Variants in OPCML observed in about 807,000 individuals in gnomAD.
The protein encoded by OPCML is opioid binding protein/cell adhesion molecule like.
Under a neutral mutation model 37.8 loss-of-function variants are expected in OPCML, and 13 were observed. The ratio of observed to expected loss-of-function variants is 0.34; its 90% confidence interval spans 0.22 to 0.55. The LOEUF (loss-of-function observed/expected upper bound fraction) is 0.55. OPCML is among the 20% of genes least tolerant of loss of function. The pLI is 0.91. For missense variants in OPCML, 341 were observed against 435.6 expected (o/e 0.78, Z 1.93); for synonymous variants, 176 against 168.8 (o/e 1.04, Z -0.33).
intron 1 of OPCML, chr11:133,419,084 C>G (rs1300129004): frequency 4.0e-6 from 1 of 251,874 alleles, no homozygotes; most frequent in Non-Finnish European, 6.3e-6. Context: ...CTAACCTTCA[C>G]CTTTGGCGAA....
Position 133,204,868 on chromosome 11 carries a change from GTATATATATATATATATATATATATA to G in OPCML, c.62-261884_62-261859del, listed in dbSNP as rs57658806. On this transcript the variant is annotated intron_variant, in intron 1 of 7. Coordinates refer to ENST00000524381, the MANE Select transcript of OPCML (RefSeq NM_001012393.5). The stretch of plus-strand genomic sequence containing the variant: ...TGATCTATTATATATATATATATGT[GTATATATATATATATATATATATATA>G]TATATATATATATATACATACACAT... Among the ~76,000 whole-genome samples, 20 of 117,338 alleles carry G rather than the reference GTATATATATATATATATATATATATA, an allele frequency of 1.7e-4. No homozygotes were observed. In the East Asian group the frequency reaches 4.9e-3, roughly 29 times the overall value. The allele number at this position is 117,338 out of a possible 152,430, so 77.0% of individuals were successfully genotyped here.
At chr11:132,623,988 C>T (rs1939586369) in intron 3 of OPCML, among the ~76,000 whole-genome samples, 1 of 152,130 alleles carries the variant, frequency 6.6e-6, no homozygotes, top group African/African-American at 2.4e-5. Context: ...GTTGGTGCTC[C>T]CACTTCAGAT....
intron 1 of OPCML, chr11:133,365,173 A>G (rs1379217826): frequency 6.6e-6 from 1 of 152,228 alleles, no homozygotes; most frequent in Non-Finnish European, 1.5e-5. Flanking sequence ...AGGCCTGCAC[A>G]GTCTCTTGGA....
intron 1 of OPCML, among the ~76,000 whole-genome samples, chr11:133,109,612 A>C (rs978323009): frequency 2.0e-5 from 3 of 152,286 alleles, no homozygotes; most frequent in Middle Eastern, 6.8e-3. Flanking sequence ...TCTTGTAAGA[A>C]AAGTTCTCCA....
At chr11:133,144,062 C>T (rs1164068709) in intron 1 of OPCML, among the ~76,000 whole-genome samples, 5 of 152,212 alleles carry the variant, frequency 3.3e-5, no homozygotes, top group Admixed American at 6.5e-5. Flanking sequence ...CCTTGTGTCT[C>T]ATCTTCTTCT....
intron 1 of OPCML, among the ~76,000 whole-genome samples, chr11:133,340,315 G>T (rs1263142841): frequency 6.6e-6 from 1 of 152,190 alleles, no homozygotes; most frequent in Non-Finnish European, 1.5e-5. Flanking sequence ...GTTGTGATTA[G>T]AAATGCACTT....
chr11:133,039,536 G>T (rs1368849789), intron 1 of OPCML, among the ~76,000 whole-genome samples: 1 of 152,088 alleles, frequency 6.6e-6, no homozygotes, highest in African/African-American at 2.4e-5. Flanking sequence ...TTGGATGGTG[G>T]TCATAGTGCA....
intron 1 of OPCML, among the ~76,000 whole-genome samples, chr11:133,104,866 C>T (rs1264042615): frequency 6.6e-6 from 1 of 150,906 alleles, no homozygotes; most frequent in South Asian, 2.1e-4. Flanking sequence ...AATATTAAGG[C>T]CCAATTCAAG....
intron 2 of OPCML, among the ~76,000 whole-genome samples, chr11:132,927,572 T>C (rs1319470971): frequency 6.6e-6 from 1 of 152,104 alleles, no homozygotes; most frequent in African/African-American, 2.4e-5. Flanking sequence ...TCAAGAAATA[T>C]GAAAGAGAGT....
At chr11:133,051,527 G>T (rs1948131448) in intron 1 of OPCML, among the ~76,000 whole-genome samples, 1 of 152,066 alleles carries the variant, frequency 6.6e-6, no homozygotes. Context: ...TTGTTTGTTT[G>T]TTTGTTTGTT....
intron 1 of OPCML, among the ~76,000 whole-genome samples, chr11:133,527,128 C>T (rs986546912): frequency 1.3e-5 from 2 of 152,200 alleles, no homozygotes; most frequent in African/African-American, 4.8e-5. Flanking sequence ...TCCAGCGGAC[C>T]AGCATCAGAA....
chr11:133,452,763 T>C (rs886622425), intron 1 of OPCML, among the ~76,000 whole-genome samples: 8 of 151,750 alleles, frequency 5.3e-5, no homozygotes, highest in Non-Finnish European at 8.8e-5. Context: ...GACCTTGATG[T>C]GTTCTTCTGT....
At chr11:133,500,086 G>T (rs1947879874) in intron 1 of OPCML, among the ~76,000 whole-genome samples, 1 of 151,818 alleles carries the variant, frequency 6.6e-6, no homozygotes, top group African/African-American at 2.4e-5. Flanking sequence ...TGGCCAGGCT[G>T]GTCTTGAACT....
intron 2 of OPCML, among the ~76,000 whole-genome samples, chr11:132,671,803 T>C (rs1350473478): frequency 6.9e-6 from 1 of 144,794 alleles, no homozygotes; most frequent in Non-Finnish European, 1.5e-5. Context: ...ATAAATAAGT[T>C]GAGAAAGAAA....
At chr11:133,034,239 CCAGCTATCAAG>C (rs953282973) in intron 1 of OPCML, among the ~76,000 whole-genome samples, 2 of 151,520 alleles carry the variant, frequency 1.3e-5, no homozygotes, top group Non-Finnish European at 2.9e-5. Context: ...TAGATCCCAA[CCAGCTATCAAG>C]CAGCTACCCA....
At chr11:132,682,108 A>T (rs1203406483) in intron 2 of OPCML, among the ~76,000 whole-genome samples, 1 of 152,178 alleles carries the variant, frequency 6.6e-6, no homozygotes, top group Non-Finnish European at 1.5e-5. Flanking sequence ...GCATAGCTGC[A>T]CGGAGTTTTG....
At chr11:132,735,982 A>C (rs1945242733) in intron 2 of OPCML, among the ~76,000 whole-genome samples, 1 of 152,196 alleles carries the variant, frequency 6.6e-6, no homozygotes, top group South Asian at 2.1e-4. Context: ...AGCCCAGACG[A>C]CAGAGCTAAG....
rs562056846 is a variant in OPCML, at chr11:132,552,763, C to CTTTTTTTTTTTTTTTTTTTTTTTTT, written c.380-23578_380-23577insAAAAAAAAAAAAAAAAAAAAAAAAA. Among the ~76,000 whole-genome samples, 122 of 92,774 alleles carry CTTTTTTTTTTTTTTTTTTTTTTTTT rather than the reference C, an allele frequency of 1.3e-3. 30 individuals are homozygous for CTTTTTTTTTTTTTTTTTTTTTTTTT. The Middle Eastern group carries it at 0.019, about 14-fold the overall frequency. 60.9% of individuals were successfully genotyped at this position (92,774 alleles called of 152,430 possible). ...TAGTCAAACTAAATTAAACACTACT[C>CTTTTTTTTTTTTTTTTTTTTTTTTT]TTTTTTTTTTTTTTTTGAGACCGAG... On this transcript the variant is annotated intron_variant, in intron 3 of 7. Transcript: ENST00000524381.
At chr11:133,505,115 C>A (rs1947997986) in intron 1 of OPCML, among the ~76,000 whole-genome samples, 1 of 152,294 alleles carries the variant, frequency 6.6e-6, no homozygotes, top group East Asian at 1.9e-4. Flanking sequence ...AGGGAAGGAC[C>A]CTCGACCTCA....
Sources: gnomAD v4.1 joint callset for allele counts (sites outside exome capture counted in the v4.1 genomes callset) on GRCh38, gnomAD v4.1.1 for gene constraint, MANE v1.5 for transcripts, NCBI Gene and HGNC (gene_info 2026-07-23, HGNC 2026-07-21) for gene names.